Variants in KANSL1L observed in about 807,000 individuals in gnomAD.
KANSL1L encodes the protein KAT8 regulatory NSL complex subunit 1-like protein.
Under a neutral mutation model 108.6 loss-of-function variants are expected in KANSL1L, and 25 were observed. The ratio of observed to expected loss-of-function variants is 0.23; its 90% CI spans 0.17 to 0.32. The LOEUF (loss-of-function observed/expected upper bound fraction) is 0.32, where lower values mean the gene tolerates loss of function less well. KANSL1L is among the 10% of genes least tolerant of loss of function. The probability of loss-of-function intolerance (pLI) is 1.00; values close to 1 mark genes in which losing one functional copy is unlikely to be tolerated. For missense variants in KANSL1L, 1,137 were observed against 1,125.7 expected (o/e 1.01, Z -0.14); for synonymous variants, 405 against 395.1 (o/e 1.03, Z -0.30).
At chr2:210,125,705 CATT>C (rs1161977992) in intron 3 of KANSL1L, among the ~76,000 whole-genome samples, 3 of 152,098 alleles carry the variant, frequency 2.0e-5, no homozygotes, top group Non-Finnish European at 4.4e-5. Context: ...TAATACACAA[CATT>C]AACAGAATGA....
At chr2:210,065,290 C>CAAAAAA (rs60860386) in intron 6 of KANSL1L, among the ~76,000 whole-genome samples, 1 of 53,268 alleles carries the variant, frequency 1.9e-5, no homozygotes, top group Non-Finnish European at 3.0e-5. Flanking sequence ...GACTCTGTCT[C>CAAAAAA]AAAAAAAAAA....
chr2:210,127,799 A>AG (rs1491567958), intron 3 of KANSL1L, among the ~76,000 whole-genome samples: 27 of 22,314 alleles, frequency 1.2e-3, no homozygotes, highest in Non-Finnish European at 7.1e-4. Flanking sequence ...ACTCTGCCTC[A>AG]AAAAAAAAAA....
chr2:210,111,012 T>C (rs1429304093), intron 3 of KANSL1L, among the ~76,000 whole-genome samples: 2 of 152,094 alleles, frequency 1.3e-5, no homozygotes, highest in African/African-American at 2.4e-5. Context: ...CCCAGGAAGC[T>C]GAGGCGGGAG....
chr2:210,060,717 G>A (rs781756488), intron 6 of KANSL1L, among the ~76,000 whole-genome samples: 17 of 152,052 alleles, frequency 1.1e-4, no homozygotes, highest in Non-Finnish European at 2.1e-4. Flanking sequence ...AATAAGAAGA[G>A]GAAAAGAAAA....
chr2:210,029,307 T>C (rs1470501899), intron 10 of KANSL1L, among the ~76,000 whole-genome samples: 2 of 152,056 alleles, frequency 1.3e-5, no homozygotes, highest in Non-Finnish European at 2.9e-5. Context: ...AAATGATCAG[T>C]AACCACTTTT....
At chr2:210,109,760 C>T (rs1351630000) in intron 3 of KANSL1L, among the ~76,000 whole-genome samples, 3 of 151,678 alleles carry the variant, frequency 2.0e-5, no homozygotes, top group Non-Finnish European at 2.9e-5. Context: ...CCTGAATCAG[C>T]CTGCTTCTTT....
intron 2 of KANSL1L, among the ~76,000 whole-genome samples, chr2:210,140,345 A>C (rs1426582757): frequency 6.6e-6 from 1 of 152,194 alleles, no homozygotes; most frequent in Non-Finnish European, 1.5e-5. Flanking sequence ...ATAAGGAGTA[A>C]GATAAGGGTC....
chr2:210,153,538 C>T lies in KANSL1L; in HGVS notation c.1045G>A (p.Asp349Asn). The change falls in exon 2 of 15, where the codon GAT (aspartate) becomes AAT (asparagine). Residue 349 changes from aspartate to asparagine, a missense_variant. Physicochemically the swap from Asp to Asn is conservative, Grantham distance 23. Around this residue, in one of 3 missense-constraint regions of KANSL1L, gnomAD observed 556 missense variants for 537.7 expected, o/e 1.03. Coordinates refer to ENST00000281772, the MANE Select transcript of KANSL1L (RefSeq NM_152519.4). The stretch of plus-strand genomic sequence containing the variant: ...AGGGTATATTCATCCAAATCGTCAT[C>T]AGAGCTGCTATCAGTTGCATCGGAA... Reference protein sequence around the residue: ...LDSDATDSSSDDDLDEYTLRK... With the variant: ...LDSDATDSSSNDDLDEYTLRK... The T allele has an allele frequency of 6.2e-7, 1 of 1,614,102 alleles. No homozygotes were observed.
chr2:210,129,810 C>A lies in KANSL1L; in HGVS notation c.1089-638G>T, dbSNP rs118055058. ...AAAACCTGATTCCTAGGATTCACAA[C>A]CTACAGATCACAAAGAATTTACATA... is the stretch of plus-strand genomic sequence containing the variant. On this transcript the variant is annotated intron_variant, in intron 2 of 14. Coordinates refer to ENST00000281772, the MANE Select transcript of KANSL1L (RefSeq NM_152519.4). Among the ~76,000 whole-genome samples, 87 of 152,094 alleles carry A rather than the reference C, an allele frequency of 5.7e-4. 1 individual carries two copies. In the East Asian group the frequency reaches 0.017, roughly 29 times the overall value.
At chr2:210,102,496 C>T (rs373133063) in intron 4 of KANSL1L, among the ~76,000 whole-genome samples, 33 of 152,186 alleles carry the variant, frequency 2.2e-4, no homozygotes, top group African/African-American at 6.5e-4. Flanking sequence ...AGCTTCTGCA[C>T]AGCAAAAGAA....
chr2:210,025,565 AT>A (rs1245121313), intron 12 of KANSL1L, among the ~76,000 whole-genome samples: 2 of 152,220 alleles, frequency 1.3e-5, no homozygotes, highest in African/African-American at 4.8e-5. Flanking sequence ...AAAAAAAGAA[AT>A]ATAAGATCAG....
At chr2:210,137,566 A>G (rs2095185722) in intron 2 of KANSL1L, among the ~76,000 whole-genome samples, 1 of 152,176 alleles carries the variant, frequency 6.6e-6, no homozygotes, top group Non-Finnish European at 1.5e-5. Context: ...AATGAAAAAT[A>G]TTTCTGACAA....
chr2:210,072,633 C>G (rs2094515571), intron 6 of KANSL1L, among the ~76,000 whole-genome samples: 1 of 151,824 alleles, frequency 6.6e-6, no homozygotes, highest in Non-Finnish European at 1.5e-5. Context: ...CTCAGATGCA[C>G]AGTTCACAAT....
At position 210,161,453 on chromosome 2, in the gene KANSL1L, C is replaced by A. The variant is rs532369862; in HGVS notation, c.-29-6842G>T. On this transcript the variant is annotated intron_variant, in intron 1 of 14. Transcript: ENST00000281772. Reference sequence around the variant, plus strand: ...CAGACCTATCAGAATGAATCATGAGCCTAAATGTAAAACCTGTAACTATAC... The same window carrying A: ...CAGACCTATCAGAATGAATCATGAGACTAAATGTAAAACCTGTAACTATAC... Among the ~76,000 whole-genome samples the A allele has an allele frequency of 7.2e-5, 11 of 152,226 alleles. No individual in the cohort carries two copies. In the South Asian group the frequency reaches 2.3e-3, roughly 32 times the overall value.
At chr2:210,088,027 G>A (rs1400302180) in intron 5 of KANSL1L, among the ~76,000 whole-genome samples, 1 of 151,966 alleles carries the variant, frequency 6.6e-6, no homozygotes, top group Non-Finnish European at 1.5e-5. Flanking sequence ...ATTCCATCTG[G>A]TTTTGTTCAT....
intron 6 of KANSL1L, among the ~76,000 whole-genome samples, chr2:210,074,491 G>A (rs1311718322): frequency 1.3e-5 from 2 of 152,100 alleles, no homozygotes; most frequent in Non-Finnish European, 2.9e-5. Context: ...ACCACGCTGG[G>A]CAAATTTTTG....
intron 1 of KANSL1L, among the ~76,000 whole-genome samples, chr2:210,166,950 T>C (rs1043082580): frequency 1.3e-5 from 2 of 151,992 alleles, no homozygotes; most frequent in Non-Finnish European, 2.9e-5. Flanking sequence ...ATCTCTAGAC[T>C]ATAAGGAGAC....
At chr2:210,024,476 T>G (rs980430988) in intron 13 of KANSL1L, among the ~76,000 whole-genome samples, 4 of 152,256 alleles carry the variant, frequency 2.6e-5, no homozygotes, top group Admixed American at 6.5e-5. Flanking sequence ...GTCTGACTAA[T>G]TAAATGAAAG....
chr2:210,149,245 T>C (rs184673809), intron 2 of KANSL1L, among the ~76,000 whole-genome samples: 11 of 152,206 alleles, frequency 7.2e-5, no homozygotes, highest in South Asian at 2.1e-4. Context: ...AACACAGAAA[T>C]AGTCATTCAC....
Sources: allele counts gnomAD v4.1 joint callset (sites outside exome capture counted in the v4.1 genomes callset), GRCh38; gene constraint gnomAD v4.1.1; regional missense constraint gnomAD v4.1.1; transcripts MANE v1.5; gene names NCBI Gene and HGNC (gene_info 2026-07-23, HGNC 2026-07-21).